Variants in BOC observed in about 807,000 individuals in gnomAD.
The protein encoded by BOC is BOC cell adhesion associated, oncogene regulated.
A neutral mutation model predicts 112.0 loss-of-function variants in BOC; 76 were observed. The ratio of observed to expected loss-of-function variants is 0.68; its 90% CI spans 0.56 to 0.82. BOC has a LOEUF of 0.82. Among genes scored for constraint, BOC ranks in the 40% least tolerant of loss-of-function variants. The pLI is 0.00. For synonymous variants in BOC, 580 were observed against 599.8 expected, an observed-to-expected ratio of 0.97 and a Z score of 0.48; for missense variants, 1,309 against 1,511.7, an observed-to-expected ratio of 0.87 and a Z score of 2.22.
intron 2 of BOC, among the ~76,000 whole-genome samples, chr3:113,239,314 G>A (rs1268617129): frequency 6.6e-6 from 1 of 152,188 alleles, no homozygotes; most frequent in East Asian, 1.9e-4. Flanking sequence ...CAACTGATCA[G>A]ATACTGGGGC....
At chr3:113,282,490 A>G (rs1949285145) in intron 15 of BOC, among the ~76,000 whole-genome samples, 1 of 152,192 alleles carries the variant, frequency 6.6e-6, no homozygotes, top group Non-Finnish European at 1.5e-5. Context: ...CGGCAAGAAG[A>G]CAGATTTCAT....
chr3:113,214,108 ATGGT>A (rs1938818824), intron 1 of BOC, among the ~76,000 whole-genome samples: 1 of 152,230 alleles, frequency 6.6e-6, no homozygotes, highest in Admixed American at 6.5e-5. Flanking sequence ...AGAAGCCAGA[ATGGT>A]TGATTCTTTG....
rs759172367 is a variant in BOC at position 113,280,526 on chromosome 3, T to C, written c.2206-32T>C. ...GCTTTGATGATGTTTTCTCTGCCCA[T>C]TGTCAACTTGTTTCTTCTCCATTCC... is the stretch of plus-strand genomic sequence containing the variant. On this transcript the variant is annotated intron_variant, in intron 13 of 19. Coordinates refer to ENST00000682979, the MANE Select transcript of BOC (RefSeq NM_001378074.1). 5.4e-6 allele frequency: 8 copies of C among 1,477,006 alleles called. No individual in the cohort carries two copies. In the East Asian group the frequency reaches 1.8e-4, roughly 33 times the overall value. The allele number at this position is 1,477,006 out of a possible 1,614,324, so 91.5% of individuals were successfully genotyped here.
intron 2 of BOC, among the ~76,000 whole-genome samples, chr3:113,222,362 A>G (rs1173237392): frequency 1.3e-5 from 2 of 152,262 alleles, no homozygotes; most frequent in Non-Finnish European, 2.9e-5. Flanking sequence ...ACAAAATGAA[A>G]TAATTACATA....
chr3:113,271,587 C>T (rs1382313227), intron 6 of BOC: 1 of 195,706 alleles, frequency 5.1e-6, no homozygotes, highest in East Asian at 1.3e-4. Context: ...GTCTTTCACT[C>T]ACTGACAGAA....
intron 2 of BOC, among the ~76,000 whole-genome samples, chr3:113,229,151 G>GA (rs1942179520): frequency 6.6e-6 from 1 of 152,190 alleles, no homozygotes; most frequent in Non-Finnish European, 1.5e-5. Flanking sequence ...GGACCAAACT[G>GA]AAAATCGACT....
intron 4 of BOC, among the ~76,000 whole-genome samples, chr3:113,263,819 C>T (rs1947157268): frequency 6.6e-6 from 1 of 152,216 alleles, no homozygotes; most frequent in Non-Finnish European, 1.5e-5. Flanking sequence ...TGCCAATTTG[C>T]GGTTTCACAT....
intron 4 of BOC, among the ~76,000 whole-genome samples, chr3:113,257,794 A>G (rs756652783): frequency 4.6e-5 from 7 of 152,210 alleles, no homozygotes; most frequent in Non-Finnish European, 1.0e-4. Context: ...AAAGGCTTCT[A>G]TTAAATAAGG....
chr3:113,279,814 C>A lies in BOC; in HGVS notation c.2024-10C>A. The A allele has an allele frequency of 6.3e-7, 1 of 1,596,492 alleles. No homozygotes were observed. ...CAGCTCCTGAGTTCAGTGAGTGTCC[C>A]TCTCACCAGGCACCTCCTACAAGTT... is the stretch of plus-strand genomic sequence containing the variant. On this transcript the variant is annotated splice_polypyrimidine_tract_variant and intron_variant, in intron 12 of 19. Transcript: ENST00000682979.
At chr3:113,284,931 C>A (rs974595317) in intron 18 of BOC, 73 bp downstream of exon 18, 1 of 1,383,932 alleles carries the variant, frequency 7.2e-7, no homozygotes, top group Non-Finnish European at 1.0e-6. Context: ...AAATCCAAGG[C>A]CTGTCACTGA....
intron 13 of BOC, 39 bp downstream of exon 13, chr3:113,280,044 C>G (rs762478421): frequency 9.0e-6 from 14 of 1,558,434 alleles, no homozygotes; most frequent in Non-Finnish European, 1.2e-5. Flanking sequence ...GGAAGACGGC[C>G]TCCCCTAAAT....
chr3:113,280,967 G>A, intron 14 of BOC, 64 bp from the exon 15 acceptor site: 1 of 1,592,860 alleles, frequency 6.3e-7, no homozygotes, highest in Non-Finnish European at 8.5e-7. Context: ...GTCTGACTAT[G>A]AGATTGGGAT....
At chr3:113,272,941 C>T in intron 7 of BOC, 128 bp from the exon 8 acceptor site, 5 of 1,256,944 alleles carry the variant, frequency 4.0e-6, no homozygotes, top group Non-Finnish European at 5.6e-6. Context: ...CTTCCCTCTA[C>T]TCTGCCCATT....
intron 12 of BOC, 141 bp downstream of exon 12, chr3:113,279,596 T>A (rs1948996594): frequency 2.2e-6 from 2 of 893,188 alleles, no homozygotes; most frequent in Non-Finnish European, 3.4e-6. Context: ...CTGTCTGTGG[T>A]GTTTACCACA....
In BOC at chr3:113,250,660, G is replaced by A; in HGVS notation, c.203G>A (p.Trp68Ter). ...GAACCTCCAAGGATGAATGTAACCT[G>A]GCGCCTGAATGGAAAGGAGCTGAAT... ...VVEPPRMNVT[W>*]RLNGKELNGS... Residue 68 changes from tryptophan to a stop codon, truncating the protein, a stop_gained, in exon 4 of 20, where the codon TGG (tryptophan) becomes TAG (stop). Transcript: ENST00000682979. LOFTEE classifies it high-confidence loss of function. 6.2e-7 allele frequency: 1 copy of A among 1,614,188 alleles called. No individual in the cohort carries two copies. The highest frequency in any genetic ancestry group is 8.5e-7 in the Non-Finnish European group (1 of 1,180,034).
At chr3:113,211,301 TGCTTTTGGTATGGGAAA>T (rs906389053), upstream of BOC, 2 of 152,476 alleles carry the variant, frequency 1.3e-5, no homozygotes, top group African/African-American at 4.8e-5. Flanking sequence ...GAGAAGATGG[TGCTTTTGGTATGGGAAA>T]GCAAAAGAAG....
chr3:113,270,488 C>T (rs908484532), intron 5 of BOC: 4 of 277,426 alleles, frequency 1.4e-5, no homozygotes, highest in African/African-American at 6.5e-5. Flanking sequence ...TTTCTAGCCT[C>T]CCTTAGCTCC....
intron 2 of BOC, among the ~76,000 whole-genome samples, chr3:113,241,393 G>C (rs1944268381): frequency 6.6e-6 from 1 of 151,980 alleles, no homozygotes; most frequent in Non-Finnish European, 1.5e-5. Flanking sequence ...AGTGTTCCTG[G>C]CCCTGTGTGG....
At chr3:113,266,890 A>T (rs77115539) in intron 4 of BOC, among the ~76,000 whole-genome samples, 8,443 of 152,218 alleles carry the variant, frequency 0.055, 257 homozygotes, top group Middle Eastern at 0.085. Context: ...AAGCCTCCTG[A>T]CCTCACTGAG....
Sources: gnomAD v4.1 joint callset for allele counts (sites outside exome capture counted in the v4.1 genomes callset) on GRCh38, gnomAD v4.1.1 for gene constraint, MANE v1.5 for transcripts, NCBI Gene and HGNC (gene_info 2026-07-23, HGNC 2026-07-21) for gene names.